CACNG4: variants seen among roughly 807,000 people sequenced by gnomAD.
CACNG4 encodes calcium voltage-gated channel auxiliary subunit gamma 4.
A neutral mutation model predicts 22.9 loss-of-function variants in CACNG4; 8 were observed. The observed-to-expected ratio is 0.35, with a 90% CI of 0.21 to 0.63. CACNG4 has a LOEUF of 0.63. Among genes scored for constraint, CACNG4 ranks in the 30% least tolerant of loss-of-function variants. The pLI is 0.72. For synonymous variants in CACNG4, 188 were observed against 191.9 expected, an observed-to-expected ratio of 0.98 and a Z score of 0.17; for missense variants, 357 against 455.4, an observed-to-expected ratio of 0.78 and a Z score of 1.97.
chr17:67,018,114 C>A, intron 1 of CACNG4, 75 bp from the exon 2 acceptor site: 2 of 1,128,612 alleles, frequency 1.8e-6, no homozygotes, highest in Admixed American at 1.7e-5. Flanking sequence ...ACACACATGG[C>A]AACCGTGTCT....
intron 1 of CACNG4, among the ~76,000 whole-genome samples, chr17:66,993,715 C>T (rs1371488074): frequency 6.6e-6 from 1 of 152,206 alleles, no homozygotes; most frequent in Non-Finnish European, 1.5e-5. Context: ...AAGCGATTCT[C>T]CTGCCTCAGC....
chr17:66,991,807 C>G (rs1251214836), intron 1 of CACNG4, among the ~76,000 whole-genome samples: 1 of 152,222 alleles, frequency 6.6e-6, no homozygotes, highest in South Asian at 2.1e-4. Flanking sequence ...AGGGCATCAC[C>G]TGGCCCTGAT....
Position 66,964,822 on chromosome 17 carries a change from C to A in CACNG4, c.-90C>A. On this transcript the variant is annotated 5_prime_UTR_variant, in exon 1 of 4. Transcript: ENST00000262138. ...GCCCCCCGGCCCTCGGCCCCCCAAC[C>A]CCGGCGCCCCCGGAGCGGCGCGCGG... The A allele has an allele frequency of 1.5e-6, 1 of 673,646 alleles. No individual in the cohort carries two copies. The highest frequency in any genetic ancestry group is 1.8e-6 in the Non-Finnish European group (1 of 542,268). The allele number at this position is 673,646 out of a possible 1,614,324, so 41.7% of individuals were successfully genotyped here. A position where few individuals can be genotyped will look rare whatever the true frequency, so the allele number is the denominator to read the frequency against.
chr17:66,980,913 C>T (rs537200719), intron 1 of CACNG4, among the ~76,000 whole-genome samples: 8 of 152,206 alleles, frequency 5.3e-5, no homozygotes, highest in African/African-American at 1.9e-4. Flanking sequence ...GCCACCGCAC[C>T]CGGCCTTGTT....
Position 67,025,061 on chromosome 17 carries a change from C to T in CACNG4, c.445+61C>T, listed in dbSNP as rs940502018. 8.2e-5 allele frequency: 121 copies of T among 1,470,230 alleles called. 1 individual carries two copies. In the South Asian group the frequency reaches 1.1e-3, roughly 13 times the overall value. The allele number at this position is 1,470,230 out of a possible 1,614,324, so 91.1% of individuals were successfully genotyped here. A position where few individuals can be genotyped will look rare whatever the true frequency, so the allele number is the denominator to read the frequency against. On this transcript the variant is annotated intron_variant, in intron 3 of 3. Transcript: ENST00000262138. ...GCTGGGGACACAGGAGTGCCTGTCT[C>T]GTGTGGTCCCCACTGCCAGGCAGTG...
chr17:66,972,937 CAA>C (rs1383446184), intron 1 of CACNG4, among the ~76,000 whole-genome samples: 12 of 148,126 alleles, frequency 8.1e-5, no homozygotes, highest in African/African-American at 2.5e-4. Flanking sequence ...AAAACAAAAA[CAA>C]AAACAAACAA....
At position 67,030,728 on chromosome 17, in the gene CACNG4, C is replaced by T; in HGVS notation, c.708C>T (p.Tyr236=). The change falls in exon 4 of 4, where the codon TAC becomes TAT. Residue 236 remains tyrosine (Y), a synonymous_variant. Transcript: ENST00000262138. This position sits in a 1 kb window ranked among gnomAD's most constrained non-coding sequence, Gnocchi z 6.4. The part of the protein sequence containing the change: ...SSSPYARMPS[Y]RYRRRRSRSS... ...CTCCTTATGCCAGGATGCCGAGCTA[C>T]AGGTACCGGCGACGGCGCTCGAGGT... is the stretch of plus-strand genomic sequence containing the variant. 1 of 1,614,226 alleles carries T rather than the reference C, an allele frequency of 6.2e-7. No homozygotes were observed. The highest frequency in any genetic ancestry group is 8.5e-7 in the Non-Finnish European group (1 of 1,180,048).
chr17:67,026,412 G>A (rs1567760306), intron 3 of CACNG4, among the ~76,000 whole-genome samples: 2 of 150,802 alleles, frequency 1.3e-5, no homozygotes, highest in African/African-American at 4.9e-5. Context: ...GTGGGTTTGT[G>A]TGTGTGAGCA....
chr17:66,971,034 A>G (rs2035201015), intron 1 of CACNG4, among the ~76,000 whole-genome samples: 1 of 152,218 alleles, frequency 6.6e-6, no homozygotes, highest in African/African-American at 2.4e-5. Context: ...CGAGGAAGCC[A>G]CAGCTAAACT....
At chr17:66,995,486 T>A (rs1320568115) in intron 1 of CACNG4, among the ~76,000 whole-genome samples, 5 of 152,118 alleles carry the variant, frequency 3.3e-5, no homozygotes, top group Non-Finnish European at 7.4e-5. Context: ...TTTGCCAGCA[T>A]CTTCTCGGAG....
intron 1 of CACNG4, among the ~76,000 whole-genome samples, chr17:67,010,346 C>T (rs2035461539): frequency 6.6e-6 from 1 of 152,144 alleles, no homozygotes; most frequent in East Asian, 1.9e-4. Flanking sequence ...GGGACATGTG[C>T]TTCCCCATCA....
At chr17:66,974,922 A>C (rs893471661) in intron 1 of CACNG4, among the ~76,000 whole-genome samples, 4 of 151,774 alleles carry the variant, frequency 2.6e-5, no homozygotes, top group Non-Finnish European at 4.4e-5. Context: ...AGGGCTTTGG[A>C]CTTTAACTGG....
intron 1 of CACNG4, among the ~76,000 whole-genome samples, chr17:66,990,515 T>C (rs1340553430): frequency 6.6e-6 from 1 of 152,172 alleles, no homozygotes; most frequent in Non-Finnish European, 1.5e-5. Context: ...CTACCACAGA[T>C]GGAAGGGGCT....
At chr17:67,026,377 G>A (rs1351265753) in intron 3 of CACNG4, among the ~76,000 whole-genome samples, 2 of 151,182 alleles carry the variant, frequency 1.3e-5, no homozygotes, top group Non-Finnish European at 3.0e-5. Flanking sequence ...TGAGGAATGT[G>A]GTGTGTGTGT....
intron 1 of CACNG4, 128 bp downstream of exon 1, chr17:66,965,259 A>T: frequency 1.6e-6 from 1 of 614,530 alleles, no homozygotes. Flanking sequence ...GGCCGGGGAG[A>T]GGGTGGGCGC....
intron 1 of CACNG4, among the ~76,000 whole-genome samples, chr17:67,017,550 G>A (rs1030252393): frequency 7.3e-5 from 11 of 150,874 alleles, no homozygotes; most frequent in African/African-American, 1.7e-4. Flanking sequence ...ACAGAGTCTT[G>A]CTCTGTCGCC....
At chr17:66,995,112 A>C (rs569256055) in intron 1 of CACNG4, among the ~76,000 whole-genome samples, 27 of 152,284 alleles carry the variant, frequency 1.8e-4, no homozygotes, top group African/African-American at 6.0e-4. Flanking sequence ...TAGATGTAGA[A>C]TATTCAGGCC....
chr17:66,980,620 C>CTTTT lies in CACNG4; in HGVS notation c.220+15506_220+15509dup, dbSNP rs67051865. Among the ~76,000 whole-genome samples, 39 of 106,976 alleles carry CTTTT rather than the reference C, an allele frequency of 3.6e-4. 3 individuals are homozygous for CTTTT. Among genetic ancestry groups the CTTTT allele is most frequent in the African/African-American group, 9.2e-4 (23 of 25,128 alleles). The allele number at this position is 106,976 out of a possible 152,430, so 70.2% of individuals were successfully genotyped here. On this transcript the variant is annotated intron_variant, in intron 1 of 3. Transcript: ENST00000262138. Reference sequence around the variant, plus strand: ...ATTGACAATTCCCTTTGTGTAAATTCTTTTTTTTTTTTTTTTTTTTGAGAC... The same window carrying CTTTT: ...ATTGACAATTCCCTTTGTGTAAATTCTTTTTTTTTTTTTTTTTTTTTTTTGAGAC...
At chr17:67,023,022 G>A (rs1368278120) in intron 2 of CACNG4, among the ~76,000 whole-genome samples, 1 of 152,154 alleles carries the variant, frequency 6.6e-6, no homozygotes, top group Non-Finnish European at 1.5e-5. Flanking sequence ...CAAGGTGTTG[G>A]GGGACCCTGC....
Sources: allele counts gnomAD v4.1 joint callset (sites outside exome capture counted in the v4.1 genomes callset), GRCh38; gene constraint gnomAD v4.1.1; non-coding constraint Gnocchi (gnomAD v3.1); transcripts MANE v1.5; gene names NCBI Gene and HGNC (gene_info 2026-07-23, HGNC 2026-07-21).